PLVAP: variants seen among roughly 807,000 people sequenced by gnomAD.
PLVAP encodes plasmalemma vesicle associated protein.
Under a neutral mutation model 43.1 loss-of-function variants are expected in PLVAP, and 34 were observed. The observed-to-expected ratio is 0.79, with a 90% CI of 0.60 to 1.05. PLVAP has a LOEUF of 1.05. Ranked by LOEUF, PLVAP falls within the 50% of genes least tolerant of loss-of-function variation. The pLI, the probability that PLVAP is intolerant of heterozygous loss-of-function variation, is 0.00. For synonymous variants in PLVAP, 241 were observed against 237.3 expected, an observed-to-expected ratio of 1.02 and a Z score of -0.14; for missense variants, 574 against 593.4, an observed-to-expected ratio of 0.97 and a Z score of 0.34.
At chr19:17,364,523 T>C (rs1251419425) in intron 3 of PLVAP, among the ~76,000 whole-genome samples, 1 of 152,040 alleles carries the variant, frequency 6.6e-6, no homozygotes, top group Non-Finnish European at 1.5e-5. Flanking sequence ...TAATCCTTTC[T>C]CAATGTCATT....
At chr19:17,364,133 T>C (rs1057006167) in intron 3 of PLVAP, among the ~76,000 whole-genome samples, 25 of 152,102 alleles carry the variant, frequency 1.6e-4, no homozygotes, top group African/African-American at 6.0e-4. Context: ...TCACCCAGGC[T>C]GGAGTGCAAT....
At chr19:17,356,577 A>G (rs913042979) in intron 5 of PLVAP, among the ~76,000 whole-genome samples, 1 of 152,020 alleles carries the variant, frequency 6.6e-6, no homozygotes, top group Admixed American at 6.6e-5. Context: ...AGACTCAAGC[A>G]ATTCATCCTC....
chr19:17,357,055 G>T (rs569190589), intron 5 of PLVAP, among the ~76,000 whole-genome samples: 1 of 152,128 alleles, frequency 6.6e-6, no homozygotes, highest in South Asian at 2.1e-4. Flanking sequence ...CAAGGAGGGC[G>T]GATCACTTGA....
intron 5 of PLVAP, among the ~76,000 whole-genome samples, chr19:17,354,292 A>G (rs2145716749): frequency 6.6e-6 from 1 of 151,566 alleles, no homozygotes; most frequent in African/African-American, 2.4e-5. Flanking sequence ...TCTCTCAAAA[A>G]ATAAAAAAGA....
At chr19:17,375,209 C>T (rs1003120562) in intron 1 of PLVAP, among the ~76,000 whole-genome samples, 2 of 151,990 alleles carry the variant, frequency 1.3e-5, no homozygotes, top group Admixed American at 6.6e-5. Flanking sequence ...CCTCCTGCCT[C>T]GGTCTCCCAA....
chr19:17,361,050 G>T, intron 3 of PLVAP: 1 of 516,666 alleles, frequency 1.9e-6, no homozygotes, highest in Non-Finnish European at 3.5e-6. Context: ...GGGTAGCTGG[G>T]ACTACAGTCA....
chr19:17,359,971 C>T (rs2074521681), intron 5 of PLVAP, among the ~76,000 whole-genome samples: 1 of 152,156 alleles, frequency 6.6e-6, no homozygotes, highest in African/African-American at 2.4e-5. Context: ...GGCCTTTGGC[C>T]TGGCTGTTCC....
At position 17,365,572 on chromosome 19, in the gene PLVAP, G is replaced by T. The variant is rs2074545809; in HGVS notation, c.893C>A (p.Ala298Asp). ...GCGTTGGAGGTCTGAGTTCTCGCGGGCCACGCGTTCGATATCCGCCCGGAG... is the reference window on the plus strand; with the variant it reads ...GCGTTGGAGGTCTGAGTTCTCGCGGTCCACGCGTTCGATATCCGCCCGGAG... ...RSLRADIERV[A>D]RENSDLQRQK... Residue 298 changes from alanine (A) to aspartate (D), a missense_variant, in exon 3 of 6, where the codon GCC becomes GAC. Ala to Asp is a moderately radical substitution (Grantham distance 126). Coordinates refer to ENST00000252590, the MANE Select transcript of PLVAP (RefSeq NM_031310.3). The T allele has an allele frequency of 1.2e-6, 2 of 1,611,982 alleles. No individual in the cohort carries two copies. The highest frequency in any genetic ancestry group is 2.2e-5 in the South Asian group (2 of 91,092).
intron 1 of PLVAP, 48 bp from the exon 2 acceptor site, chr19:17,366,243 C>A: frequency 1.3e-6 from 2 of 1,585,866 alleles, no homozygotes; most frequent in Non-Finnish European, 1.7e-6. Context: ...TAGTGTCTTG[C>A]CCCCAGGACT....
At chr19:17,360,741 C>T (rs750562524) in intron 4 of PLVAP, 31 bp downstream of exon 4, 7 of 1,607,774 alleles carry the variant, frequency 4.4e-6, no homozygotes, top group East Asian at 2.2e-5. Flanking sequence ...AGGGGCCCCT[C>T]CCCTACTTGG....
intron 1 of PLVAP, among the ~76,000 whole-genome samples, chr19:17,369,285 A>G (rs2074562458): frequency 1.3e-5 from 2 of 151,410 alleles, no homozygotes; most frequent in African/African-American, 4.8e-5. Flanking sequence ...TCCCGGGTTC[A>G]AGTGATTCCC....
intron 5 of PLVAP, among the ~76,000 whole-genome samples, chr19:17,353,258 C>T (rs2074493415): frequency 6.6e-6 from 1 of 152,232 alleles, no homozygotes; most frequent in African/African-American, 2.4e-5. Flanking sequence ...CAGCATTTAC[C>T]CAGCTCTTGT....
intron 3 of PLVAP, among the ~76,000 whole-genome samples, chr19:17,364,946 T>C (rs2074542546): frequency 1.3e-5 from 2 of 151,980 alleles, no homozygotes; most frequent in Non-Finnish European, 2.9e-5. Context: ...CTAATTTTTG[T>C]ATTTTTAGCA....
At chr19:17,373,406 C>CT in intron 1 of PLVAP, among the ~76,000 whole-genome samples, 1 of 152,142 alleles carries the variant, frequency 6.6e-6, no homozygotes, top group East Asian at 1.9e-4. Flanking sequence ...GGTGAGGAGA[C>CT]TGAGTTCTGC....
In PLVAP at chr19:17,366,200, C is replaced by G; in HGVS notation, c.370-5G>C. ...CTGATTGTTCGTGTAGATGACCTGCCCGGAAGATAGGGGAAGGACGCAGGA... is the reference window on the plus strand; with the variant it reads ...CTGATTGTTCGTGTAGATGACCTGCGCGGAAGATAGGGGAAGGACGCAGGA... On this transcript the variant is annotated splice_region_variant and splice_polypyrimidine_tract_variant and intron_variant, in intron 1 of 5. Coordinates refer to ENST00000252590, the MANE Select transcript of PLVAP (RefSeq NM_031310.3). 3 of 1,613,528 alleles carry G rather than the reference C, an allele frequency of 1.9e-6. No homozygotes were observed. The highest frequency in any genetic ancestry group is 2.5e-6 in the Non-Finnish European group (3 of 1,179,810).
At chr19:17,376,784 C>T in intron 1 of PLVAP, 136 bp downstream of exon 1, 5 of 921,756 alleles carry the variant, frequency 5.4e-6, no homozygotes, top group South Asian at 1.7e-5. Flanking sequence ...GGAGACGGAG[C>T]GAGACTCTGT....
rs920061196 is a variant in PLVAP, at chr19:17,359,654, C to T, written c.1322+874G>A. Among the ~76,000 whole-genome samples the T allele has an allele frequency of 6.0e-4, 88 of 147,854 alleles. 1 individual carries two copies. Among genetic ancestry groups the T allele is most frequent in the Middle Eastern group, 3.6e-3 (1 of 278 alleles). On this transcript the variant is annotated intron_variant, in intron 5 of 5. Transcript: ENST00000252590. ...TCTTGACCTCATGATCCGCCCACCT[C>T]GGCCTGGGATTACAGGCGTAAGCCA...
In PLVAP at chr19:17,365,697, G is replaced by A. The variant is rs377330626; in HGVS notation, c.768C>T (p.Asn256=). The A allele has an allele frequency of 8.1e-5, 130 of 1,613,834 alleles. No individual in the cohort carries two copies. Among genetic ancestry groups the A allele is most frequent in the Non-Finnish European group, 1.1e-4 (124 of 1,180,050 alleles). Reference sequence around the variant, plus strand: ...ATTCCGAGCCCAGGGGATGGTAGAGGTTGTAACCCAGGTTGTCCAGGCTGC... The same window carrying A: ...ATTCCGAGCCCAGGGGATGGTAGAGATTGTAACCCAGGTTGTCCAGGCTGC... The part of the protein sequence containing the change: ...IPRSLDNLGY[N]LYHPLGSELA... Residue 256 remains asparagine (N), a synonymous_variant, in exon 3 of 6, where the codon AAC becomes AAT. Transcript: ENST00000252590.
chr19:17,366,027 G>T, intron 2 of PLVAP, 29 bp from the exon 3 acceptor site: 1 of 1,611,706 alleles, frequency 6.2e-7, no homozygotes. Flanking sequence ...GGAGACCCAG[G>T]AAGATTGGGG....
Sources: allele counts gnomAD v4.1 joint callset (sites outside exome capture counted in the v4.1 genomes callset), GRCh38; gene constraint gnomAD v4.1.1; transcripts MANE v1.5; gene names NCBI Gene and HGNC (gene_info 2026-07-23, HGNC 2026-07-21).